The following SAG variants were observed in gnomAD, a reference collection of about 807,000 sequenced individuals.
SAG encodes S-arrestin.
SAG carries 45 observed loss-of-function variants against 55.0 expected under a neutral mutation model. That is an observed-to-expected ratio of 0.82 (90% CI 0.64 to 1.05). SAG has a LOEUF of 1.05. Ranked by LOEUF, SAG falls within the 50% of genes least tolerant of loss-of-function variation. The probability of loss-of-function intolerance (pLI) is 0.00; values close to 1 mark genes in which losing one functional copy is unlikely to be tolerated. For synonymous variants in SAG, 189 were observed against 197.4 expected, an observed-to-expected ratio of 0.96 and a Z score of 0.36; for missense variants, 455 against 512.1, an observed-to-expected ratio of 0.89 and a Z score of 1.08.
chr2:233,329,062 A>T, intron 8 of SAG: 1 of 235,218 alleles, frequency 4.3e-6, no homozygotes, highest in Non-Finnish European at 8.4e-6. Flanking sequence ...ATGGTGGGAA[A>T]AGGTGAGAGC....
At chr2:233,346,487 T>C in intron 15 of SAG, 75 bp downstream of exon 15, 2 of 1,502,874 alleles carry the variant, frequency 1.3e-6, no homozygotes, top group Non-Finnish European at 9.3e-7. Flanking sequence ...AAAACCCTCT[T>C]TGAGTCTTTG....
At chr2:233,321,192 C>A (rs144727888) in intron 5 of SAG, among the ~76,000 whole-genome samples, 1 of 152,130 alleles carries the variant, frequency 6.6e-6, no homozygotes, top group East Asian at 1.9e-4. Flanking sequence ...GAGAGCTTAG[C>A]GAAGTAAGAT....
chr2:233,322,971 T>C lies in SAG; in HGVS notation c.401T>C (p.Val134Ala), dbSNP rs1700433223. Residue 134 changes from valine to alanine, a missense_variant, in exon 6 of 16, where the codon GTG (valine) becomes GCG (alanine). Val to Ala is a moderately conservative substitution (Grantham distance 64, BLOSUM62 0). Coordinates refer to ENST00000409110, the MANE Select transcript of SAG (RefSeq NM_000541.5). ...TTTCCTGACTACTTGCCCTGTTCAG[T>C]GATGTTGCAGCCAGCTCCACAAGAT... ...LTFPDYLPCSVMLQPAPQDSG... is the reference protein window; with the variant it reads ...LTFPDYLPCSAMLQPAPQDSG... 1 of 1,578,180 alleles carries C rather than the reference T, an allele frequency of 6.3e-7. No individual in the cohort carries two copies. The highest frequency in any genetic ancestry group is 8.6e-7 in the Non-Finnish European group (1 of 1,159,236).
chr2:233,327,445 T>C (rs1255813891), intron 7 of SAG: 1 of 378,476 alleles, frequency 2.6e-6, no homozygotes, highest in Non-Finnish European at 4.8e-6. Context: ...GGTTTCCCCT[T>C]TGTTGAAGTT....
At position 233,340,468 on chromosome 2, in the gene SAG, C is replaced by T; in HGVS notation, c.1036C>T (p.Leu346Phe). The T allele has an allele frequency of 6.2e-7, 1 of 1,610,850 alleles. No individual in the cohort carries two copies. The highest frequency in any genetic ancestry group is 8.5e-7 in the Non-Finnish European group (1 of 1,178,232). The change falls in exon 13 of 16, where the codon CTC (leucine) becomes TTC (phenylalanine). Residue 346 changes from leucine to phenylalanine, a missense_variant. Physicochemically the swap from Leu to Phe is conservative, Grantham distance 22 (BLOSUM62 0). Coordinates refer to ENST00000409110, the MANE Select transcript of SAG (RefSeq NM_000541.5). The surrounding 1 kb of genome is among the most constrained non-coding windows in gnomAD (Gnocchi z 4.2). ...KLTVSGFLGE[L>F]TSSEVATEVP... ...TGTGTTTTCTAGCTTTCTGGGAGAG[C>T]TCACCTCCAGGTAAGCCTGTTCACC...
In SAG at chr2:233,346,385, TTTA is replaced by T. The variant is rs1366387168; in HGVS notation, c.1103-15_1103-13del. 1.2e-6 allele frequency: 2 copies of T among 1,613,544 alleles called. No homozygotes were observed. Among genetic ancestry groups the T allele is most frequent in the Admixed American group, 3.3e-5 (2 of 60,024 alleles). On this transcript the variant is annotated splice_polypyrimidine_tract_variant and intron_variant, in intron 14 of 15. Coordinates refer to ENST00000409110, the MANE Select transcript of SAG (RefSeq NM_000541.5). ...CTCTCTCCCTCTTCCCTGCCTCCCT[TTTA>T]TTCCATGCTTACAGCTAAGGAAAGG...
chr2:233,334,890 T>A, intron 10 of SAG, 72 bp from the exon 11 acceptor site: 9 of 1,567,828 alleles, frequency 5.7e-6, no homozygotes, highest in Non-Finnish European at 7.0e-6. Flanking sequence ...AAATGCCTAA[T>A]GTCAAATAGG....
At chr2:233,325,354 T>TAA (rs3085260) in intron 6 of SAG, among the ~76,000 whole-genome samples, 9,250 of 142,924 alleles carry the variant, frequency 0.065, 358 homozygotes, top group South Asian at 0.12. Flanking sequence ...AGACTCCATC[T>TAA]AAAAAAAAAA....
rs539384951 is a variant in SAG, at chr2:233,340,868, C to A, written c.1046+390C>A. On this transcript the variant is annotated intron_variant, in intron 13 of 15. Transcript: ENST00000409110. This position sits in a 1 kb window ranked among gnomAD's most constrained non-coding sequence, Gnocchi z 4.2. Reference sequence around the variant, plus strand: ...TCACTCTGTGGCCCAGCCTGGAGTGCAGTGACGTGATCTCGGCTCACCGTG... The same window carrying A: ...TCACTCTGTGGCCCAGCCTGGAGTGAAGTGACGTGATCTCGGCTCACCGTG... 8.6e-5 allele frequency among the ~76,000 whole-genome samples: 13 copies of A among 151,942 alleles called. No homozygotes were observed. The highest frequency in any genetic ancestry group is 3.1e-4 in the African/African-American group (13 of 41,414).
At chr2:233,322,178 T>C (rs1417881549) in intron 5 of SAG, among the ~76,000 whole-genome samples, 1 of 117,344 alleles carries the variant, frequency 8.5e-6, no homozygotes. Flanking sequence ...AGAGCGAGAC[T>C]CTGTCTCAAA....
At chr2:233,338,237 G>A (rs1483619128) in intron 11 of SAG, among the ~76,000 whole-genome samples, 1 of 152,244 alleles carries the variant, frequency 6.6e-6, no homozygotes, top group Non-Finnish European at 1.5e-5. Context: ...CTGCTTCTGA[G>A]GCTGAACCTG....
At chr2:233,335,195 C>A in intron 11 of SAG, 96 bp downstream of exon 11, 1 of 1,455,358 alleles carries the variant, frequency 6.9e-7, no homozygotes, top group East Asian at 2.4e-5. Flanking sequence ...CAGGCACGCA[C>A]GTGCAGCATG....
Position 233,320,741 on chromosome 2 carries a change from T to G in SAG, c.293T>G (p.Val98Gly). ...YFSRVQVYPP[V>G]GAASTPTKLQ... The stretch of plus-strand genomic sequence containing the variant: ...TCCCGGGTCCAGGTGTATCCTCCTG[T>G]GGGGGCCGCGAGCACCCCCACAAAA... Residue 98 changes from valine to glycine, a missense_variant, in exon 5 of 16, where the codon GTG becomes GGG. Physicochemically the swap from Val to Gly is moderately radical, Grantham distance 109. Coordinates refer to ENST00000409110, the MANE Select transcript of SAG (RefSeq NM_000541.5). 2 of 1,606,308 alleles carry G rather than the reference T, an allele frequency of 1.2e-6. No individual in the cohort carries two copies. The highest frequency in any genetic ancestry group is 1.7e-6 in the Non-Finnish European group (2 of 1,176,588).
rs1188887277 is a variant in SAG, at chr2:233,346,921, G to C, written c.*9G>C. On this transcript the variant is annotated 3_prime_UTR_variant, in exon 16 of 16. Coordinates refer to ENST00000409110, the MANE Select transcript of SAG (RefSeq NM_000541.5). ...ATGACGTTGATGAGTGAAGATGTCGGCTCAGGATGCCGGAAAATGACCTGT... is the reference window on the plus strand; with the variant it reads ...ATGACGTTGATGAGTGAAGATGTCGCCTCAGGATGCCGGAAAATGACCTGT... 11 of 1,534,022 alleles carry C rather than the reference G, an allele frequency of 7.2e-6. No individual in the cohort carries two copies. The highest frequency in any genetic ancestry group is 9.9e-6 in the Non-Finnish European group (11 of 1,110,838).
In SAG at chr2:233,327,176, A is replaced by G; in HGVS notation, c.491A>G (p.Glu164Gly). The G allele has an allele frequency of 6.2e-7, 1 of 1,613,750 alleles. No individual in the cohort carries two copies. The highest frequency in any genetic ancestry group is 8.5e-7 in the Non-Finnish European group (1 of 1,179,736). Reference sequence around the variant, plus strand: ...TTCGCCACAGACAGCACCGATGCCGAAGAGGACAAAATCCCCAAGAAGTAA... The same window carrying G: ...TTCGCCACAGACAGCACCGATGCCGGAGAGGACAAAATCCCCAAGAAGTAA... Reference protein sequence around the residue: ...KAFATDSTDAEEDKIPKKSSV... With the variant: ...KAFATDSTDAGEDKIPKKSSV... The change falls in exon 7 of 16, where the codon GAA (glutamate) becomes GGA (glycine). Residue 164 changes from glutamate to glycine, a missense_variant. Physicochemically the swap from Glu to Gly is moderately conservative, Grantham distance 98. Coordinates refer to ENST00000409110, the MANE Select transcript of SAG (RefSeq NM_000541.5).
intron 7 of SAG, chr2:233,327,857 A>G (rs1211419247): frequency 6.6e-6 from 1 of 152,518 alleles, no homozygotes; most frequent in East Asian, 1.9e-4. Context: ...GCCCATTTTA[A>G]CCACTTTTAA....
At chr2:233,318,849 C>T (rs1700291114) in intron 4 of SAG, 54 bp downstream of exon 4, 1 of 1,475,250 alleles carries the variant, frequency 6.8e-7, no homozygotes. Flanking sequence ...GGACTGCTCT[C>T]TGGGCGGCTC....
At position 233,328,292 on chromosome 2, in the gene SAG, C is replaced by T. The variant is rs970570681; in HGVS notation, c.513-186C>T. On this transcript the variant is annotated intron_variant, in intron 7 of 15. Transcript: ENST00000409110. ...ACAGGGAAGGGACCAGGACCCAGAC[C>T]CCCAGGCTCTTCCACCGTCAGGGCT... is the stretch of plus-strand genomic sequence containing the variant. 30 of 595,992 alleles carry T rather than the reference C, an allele frequency of 5.0e-5. No individual in the cohort carries two copies. In the Admixed American group the frequency reaches 6.2e-4, roughly 12 times the overall value. The allele number at this position is 595,992 out of a possible 1,614,324, so 36.9% of individuals were successfully genotyped here. A position where few individuals can be genotyped will look rare whatever the true frequency, so the allele number is the denominator to read the frequency against.
At position 233,340,883 on chromosome 2, in the gene SAG, G is replaced by T. The variant is rs1053499912; in HGVS notation, c.1046+405G>T. ...GCCTGGAGTGCAGTGACGTGATCTCGGCTCACCGTGACCTCCACTTCCTGG... is the reference window on the plus strand; with the variant it reads ...GCCTGGAGTGCAGTGACGTGATCTCTGCTCACCGTGACCTCCACTTCCTGG... On this transcript the variant is annotated intron_variant, in intron 13 of 15. Transcript: ENST00000409110. The surrounding 1 kb of genome is among the most constrained non-coding windows in gnomAD (Gnocchi z 4.2). Among the ~76,000 whole-genome samples, 1 of 151,594 alleles carries T rather than the reference G, an allele frequency of 6.6e-6. No individual in the cohort carries two copies. Among genetic ancestry groups the T allele is most frequent in the Non-Finnish European group, 1.5e-5 (1 of 67,884 alleles).
Sources: gnomAD v4.1 joint callset for allele counts (sites outside exome capture counted in the v4.1 genomes callset) on GRCh38, gnomAD v4.1.1 for gene constraint, Gnocchi (gnomAD v3.1) non-coding constraint, MANE v1.5 for transcripts, NCBI Gene and HGNC (gene_info 2026-07-23, HGNC 2026-07-21) for gene names.